NPL: variants seen among roughly 807,000 people sequenced by gnomAD.
The protein encoded by NPL is N-acetylneuraminate pyruvate lyase, also known as N-acetylneuraminate lyase.
NPL carries 32 observed loss-of-function variants against 41.1 expected under a neutral mutation model. The ratio of observed to expected loss-of-function variants is 0.78; its 90% CI spans 0.59 to 1.05. NPL has a LOEUF of 1.05. NPL is among the 50% of genes least tolerant of loss of function. The pLI is 0.00. For missense variants in NPL, 321 were observed against 378.4 expected (o/e 0.85, Z 1.26); for synonymous variants, 128 against 134.9 (o/e 0.95, Z 0.35).
rs1667714764 is a variant in NPL, at chr1:182,829,564, C to T, written c.*656C>T. 3 of 1,533,250 alleles carry T rather than the reference C, an allele frequency of 2.0e-6. No individual in the cohort carries two copies. Among genetic ancestry groups the T allele is most frequent in the East Asian group, 4.9e-5 (2 of 40,824 alleles). The allele number at this position is 1,533,250 out of a possible 1,614,324, so 95.0% of individuals were successfully genotyped here. On this transcript the variant is annotated 3_prime_UTR_variant, in exon 13 of 13. Transcript: ENST00000367553. ...TCTCATAACAAAGGAAAAAGTCTTC[C>T]CCAAAGATGAATTTAAGTCTCCACT...
At position 182,797,692 on chromosome 1, in the gene NPL, C is replaced by G. The variant is rs367637641; in HGVS notation, c.68+3253C>G. The stretch of plus-strand genomic sequence containing the variant: ...TTCTCTTAAAAGGAGTTAGATGACC[C>G]TTCTATAGCACCCTGTCCATACTCT... On this transcript the variant is annotated intron_variant, in intron 3 of 12. Transcript: ENST00000367553. Among the ~76,000 whole-genome samples the G allele has an allele frequency of 2.0e-5, 3 of 152,298 alleles. No individual in the cohort carries two copies. The East Asian group carries it at 5.8e-4, about 29-fold the overall frequency.
chr1:182,809,184 G>A, intron 5 of NPL: 2 of 442,412 alleles, frequency 4.5e-6, no homozygotes, highest in Non-Finnish European at 9.0e-6. Flanking sequence ...CCCATTTTAA[G>A]GTCAAACCAT....
chr1:182,802,471 T>A (rs1390400111), intron 3 of NPL, among the ~76,000 whole-genome samples: 2 of 152,238 alleles, frequency 1.3e-5, no homozygotes, highest in African/African-American at 4.8e-5. Flanking sequence ...ATCAGATTTT[T>A]TTTTTTGTTT....
At chr1:182,790,628 G>GTT (rs1312038222) in intron 1 of NPL, among the ~76,000 whole-genome samples, 2 of 136,570 alleles carry the variant, frequency 1.5e-5, no homozygotes, top group East Asian at 3.9e-4. Context: ...TGTTGTTGTT[G>GTT]TTGTTGTTGT....
At position 182,829,495 on chromosome 1, in the gene NPL, GTGAGGACT is replaced by G; in HGVS notation, c.*590_*597del. ...TCGCTCTTTAAAAACACTGGGTCAG[GTGAGGACT>G]TGTTTCAGTTCCTATAACTAAGTAA... On this transcript the variant is annotated 3_prime_UTR_variant, in exon 13 of 13. Coordinates refer to ENST00000367553, the MANE Select transcript of NPL (RefSeq NM_030769.3). 6.7e-7 allele frequency: 1 copy of G among 1,494,808 alleles called. No individual in the cohort carries two copies. Among genetic ancestry groups the G allele is most frequent in the Non-Finnish European group, 8.9e-7 (1 of 1,119,274 alleles). The allele number at this position is 1,494,808 out of a possible 1,614,324, so 92.6% of individuals were successfully genotyped here.
At chr1:182,803,839 T>C in intron 4 of NPL, 68 bp downstream of exon 4, 2 of 1,123,324 alleles carry the variant, frequency 1.8e-6, no homozygotes, top group Non-Finnish European at 2.7e-6. Flanking sequence ...TCTTACCTGG[T>C]TACCAGCCAA....
At chr1:182,808,349 A>T (rs571043001) in intron 5 of NPL, among the ~76,000 whole-genome samples, 2 of 152,332 alleles carry the variant, frequency 1.3e-5, no homozygotes, top group Admixed American at 6.5e-5. Flanking sequence ...TGAGAAGACC[A>T]CTAGGTTTGA....
intron 6 of NPL, among the ~76,000 whole-genome samples, chr1:182,814,506 T>G (rs1017909161): frequency 1.3e-5 from 2 of 152,232 alleles, no homozygotes; most frequent in African/African-American, 4.8e-5. Flanking sequence ...TTATAACTTA[T>G]CAAAATGAAC....
intron 7 of NPL, among the ~76,000 whole-genome samples, chr1:182,815,686 C>G (rs1439562023): frequency 6.6e-6 from 1 of 152,178 alleles, no homozygotes; most frequent in Admixed American, 6.5e-5. Context: ...TCACTGCAGC[C>G]TCAAACTCCT....
At chr1:182,799,732 CAAAAA>C (rs556336661) in intron 3 of NPL, among the ~76,000 whole-genome samples, 14 of 61,216 alleles carry the variant, frequency 2.3e-4, no homozygotes, top group Non-Finnish European at 2.5e-4. Flanking sequence ...ACCCTGTCTC[CAAAAA>C]AAAAAAAAAA....
intron 12 of NPL, chr1:182,826,121 C>T (rs1204743608): frequency 2.1e-6 from 1 of 470,066 alleles, no homozygotes. Context: ...TCTACTACTG[C>T]ATTGAGGTTG....
At chr1:182,807,720 CA>C (rs753955697) in intron 5 of NPL, among the ~76,000 whole-genome samples, 7,734 of 55,470 alleles carry the variant, frequency 0.14, 305 homozygotes, top group African/African-American at 0.21. Context: ...ACTAAAAATA[CA>C]AAAAAAAAAA....
In NPL at chr1:182,829,669, T is replaced by G. The variant is rs1390516834; in HGVS notation, c.*761T>G. The G allele has an allele frequency of 5.8e-6, 9 of 1,540,064 alleles. No homozygotes were observed. Among genetic ancestry groups the G allele is most frequent in the Non-Finnish European group, 7.9e-6 (9 of 1,137,194 alleles). On this transcript the variant is annotated 3_prime_UTR_variant, in exon 13 of 13. Coordinates refer to ENST00000367553, the MANE Select transcript of NPL (RefSeq NM_030769.3). ...CCTCTGGGCACCACAAACTTCCCCT[T>G]CCTCCACTGAGAAGACTGTCTCTCC...
rs1182737659 is a variant in NPL, at chr1:182,814,782, G to A, written c.289-1G>A. On this transcript the variant is annotated splice_acceptor_variant, in intron 6 of 12. Transcript: ENST00000367553. LOFTEE classifies it high-confidence loss of function. ...ATATGGTCTTCTTTCTTCCTTTAAA[G>A]GCCCAACATGCAGCAGAAATAGGAG... The A allele has an allele frequency of 6.2e-7, 1 of 1,613,794 alleles. No individual in the cohort carries two copies.
intron 11 of NPL, among the ~76,000 whole-genome samples, chr1:182,825,009 AC>A (rs1667594290): frequency 6.6e-6 from 1 of 152,200 alleles, no homozygotes; most frequent in South Asian, 2.1e-4. Context: ...TAGCAGTGTC[AC>A]CCAGTTCTTT....
In NPL at chr1:182,816,820, C is replaced by T. The variant is rs1201959474; in HGVS notation, c.457+14C>T. On this transcript the variant is annotated intron_variant, in intron 8 of 12. Coordinates refer to ENST00000367553, the MANE Select transcript of NPL (RefSeq NM_030769.3). ...CAGGGGTAAAGAGTAAGTACTGCTTCTGTTGATCTTTCTTTCCTTCCAACT... is the reference window on the plus strand; with the variant it reads ...CAGGGGTAAAGAGTAAGTACTGCTTTTGTTGATCTTTCTTTCCTTCCAACT... 1 of 1,580,214 alleles carries T rather than the reference C, an allele frequency of 6.3e-7. No individual in the cohort carries two copies. Among genetic ancestry groups the T allele is most frequent in the East Asian group, 2.2e-5 (1 of 44,732 alleles).
chr1:182,822,479 A>G (rs1179641478), intron 11 of NPL, among the ~76,000 whole-genome samples: 1 of 152,184 alleles, frequency 6.6e-6, no homozygotes, highest in East Asian at 1.9e-4. Context: ...TACTTTTGTG[A>G]CTATAATAAA....
intron 5 of NPL, chr1:182,806,559 T>C: frequency 6.5e-7 from 1 of 1,534,114 alleles, no homozygotes; most frequent in Non-Finnish European, 8.7e-7. Flanking sequence ...TGACGGACTC[T>C]GCTGGTCACT....
At chr1:182,818,781 T>C in intron 9 of NPL, 32 bp from the exon 10 acceptor site, 1 of 1,614,066 alleles carries the variant, frequency 6.2e-7, no homozygotes, top group East Asian at 2.2e-5. Context: ...TTCTCTTTTT[T>C]ATACAAGTGA....
Sources: allele counts gnomAD v4.1 joint callset (sites outside exome capture counted in the v4.1 genomes callset), GRCh38; gene constraint gnomAD v4.1.1; transcripts MANE v1.5; gene names NCBI Gene and HGNC (gene_info 2026-07-23, HGNC 2026-07-21).